Variants in TNRC6B observed in about 807,000 individuals in gnomAD.
TNRC6B encodes trinucleotide repeat-containing gene 6B protein.
A neutral mutation model predicts 203.6 loss-of-function variants in TNRC6B; 52 were observed. The observed-to-expected ratio is 0.26, with a 90% CI of 0.20 to 0.32. The LOEUF is 0.32. Ranked by LOEUF, TNRC6B falls within the 10% of genes least tolerant of loss-of-function variation. The pLI, the probability that TNRC6B is intolerant of heterozygous loss-of-function variation, is 1.00. For missense variants in TNRC6B, 1,923 were observed against 2,286.2 expected, an observed-to-expected ratio of 0.84 and a Z score of 3.24; for synonymous variants, 838 against 845.7, an observed-to-expected ratio of 0.99 and a Z score of 0.16.
At chr22:40,165,620 A>G (rs1158473974) in intron 4 of TNRC6B, among the ~76,000 whole-genome samples, 2 of 152,190 alleles carry the variant, frequency 1.3e-5, no homozygotes, top group Non-Finnish European at 2.9e-5. Flanking sequence ...TGGGTAATTT[A>G]TAAAGGAAAG....
chr22:40,143,916 A>G (rs1015874514), intron 3 of TNRC6B, among the ~76,000 whole-genome samples: 1 of 152,260 alleles, frequency 6.6e-6, no homozygotes, highest in Non-Finnish European at 1.5e-5. Flanking sequence ...AAAAATGTAC[A>G]AAAGACTAGG....
At chr22:40,186,489 C>CA (rs2069204891) in intron 1 of TNRC6B, among the ~76,000 whole-genome samples, 2 of 151,826 alleles carry the variant, frequency 1.3e-5, no homozygotes, top group Admixed American at 1.3e-4. Flanking sequence ...CCTGTAATCC[C>CA]AGCACTTTGG....
Position 40,235,437 on chromosome 22 carries a change from A to G in TNRC6B, c.6-10578A>G, listed in dbSNP as rs1192782290. On this transcript the variant is annotated intron_variant, in intron 1 of 22. Transcript: ENST00000454349. ...CAGGGGTAGGCTCCAGGACCACGTC[A>G]TCCCTACAACGCTCTCTGAGAAGAT... Among the ~76,000 whole-genome samples the G allele has an allele frequency of 2.0e-5, 3 of 152,158 alleles. No individual in the cohort carries two copies. In the East Asian group the frequency reaches 5.8e-4, roughly 29 times the overall value.
chr22:40,181,649 A>G (rs192101488), intron 1 of TNRC6B, among the ~76,000 whole-genome samples: 1 of 152,316 alleles, frequency 6.6e-6, no homozygotes, highest in Non-Finnish European at 1.5e-5. Context: ...AAAATTTCTT[A>G]AAGAAGCCAA....
chr22:40,273,606 C>T lies in TNRC6B; in HGVS notation c.3141+6C>T, dbSNP rs576337752. 1 of 1,565,270 alleles carries T rather than the reference C, an allele frequency of 6.4e-7. No homozygotes were observed. The highest frequency in any genetic ancestry group is 1.4e-5 in the African/African-American group (1 of 73,672). On this transcript the variant is annotated splice_donor_region_variant and intron_variant, in intron 7 of 22. Transcript: ENST00000454349. ...GAGGAAAGAAACAAATGAAGGTAGC[C>T]TGCTTAGAAATGTTCGCACTTGCTC...
Position 40,266,001 on chromosome 22 carries a change from C to G in TNRC6B, c.1771C>G (p.Arg591Gly). ...GSSDSHNSGR[R>G]SYRPTHPDCQ... Reference sequence around the variant, plus strand: ...TAGTGACAGTCATAACTCTGGCCGTCGGTCGTACAGGCCCACACATCCTGA... The same window carrying G: ...TAGTGACAGTCATAACTCTGGCCGTGGGTCGTACAGGCCCACACATCCTGA... The change falls in exon 5 of 23, where the codon CGG becomes GGG. Residue 591 changes from arginine (R) to glycine (G), a missense_variant. Arg to Gly is a moderately radical substitution (Grantham distance 125). Around this residue, in one of 8 missense-constraint regions of TNRC6B, gnomAD observed 614 missense variants for 587.7 expected, o/e 1.04. Coordinates refer to ENST00000454349, the MANE Select transcript of TNRC6B (RefSeq NM_001162501.2). 1.2e-6 allele frequency: 2 copies of G among 1,613,866 alleles called. No individual in the cohort carries two copies. Among genetic ancestry groups the G allele is most frequent in the Non-Finnish European group, 1.7e-6 (2 of 1,179,902 alleles).
intron 1 of TNRC6B, among the ~76,000 whole-genome samples, chr22:40,193,226 T>G (rs1166070474): frequency 6.6e-6 from 1 of 152,182 alleles, no homozygotes; most frequent in Admixed American, 6.5e-5. Flanking sequence ...TCCCTGGCAA[T>G]ACATTGAGCA....
intron 3 of TNRC6B, among the ~76,000 whole-genome samples, chr22:40,153,365 C>T (rs972219031): frequency 1.3e-5 from 2 of 151,974 alleles, no homozygotes; most frequent in African/African-American, 4.8e-5. Flanking sequence ...GAGATGTCAG[C>T]GATTCAGTGG....
chr22:40,334,385 CAAA>C lies in TNRC6B; in HGVS notation c.*11148_*11150del, dbSNP rs923320554. On this transcript the variant is annotated 3_prime_UTR_variant, in exon 23 of 23. Coordinates refer to ENST00000454349, the MANE Select transcript of TNRC6B (RefSeq NM_001162501.2). ...ACATTTTTAACAGGTTTTAAAAAAA[CAAA>C]AAACCCTTCTGGGAGGAAAAAAATA... 6.6e-6 allele frequency: 1 copy of C among 152,270 alleles called. No homozygotes were observed. Among genetic ancestry groups the C allele is most frequent in the Non-Finnish European group, 1.5e-5 (1 of 67,976 alleles). 9.4% of individuals were successfully genotyped at this position (152,270 alleles called of 1,614,324 possible). A position where few individuals can be genotyped will look rare whatever the true frequency, so the allele number is the denominator to read the frequency against.
chr22:40,125,947 A>T (rs73412614), intron 3 of TNRC6B: 2 of 1,324,258 alleles, frequency 1.5e-6, no homozygotes, highest in South Asian at 2.9e-5. Flanking sequence ...TTCATTTTAC[A>T]TGACTGTAAA....
At chr22:40,278,136 G>A (rs2070672787) in intron 9 of TNRC6B, 92 bp downstream of exon 9, 1 of 964,886 alleles carries the variant, frequency 1.0e-6, no homozygotes, top group Non-Finnish European at 1.6e-6. Context: ...GATAGGTGCA[G>A]TTCAGTAGAC....
chr22:40,160,550 T>A (rs867679905), intron 4 of TNRC6B, among the ~76,000 whole-genome samples: 2 of 152,018 alleles, frequency 1.3e-5, no homozygotes, highest in Non-Finnish European at 1.5e-5. Context: ...TATTAAACAT[T>A]CTTATTCTTA....
At chr22:40,182,611 G>T (rs2069148747) in intron 1 of TNRC6B, among the ~76,000 whole-genome samples, 1 of 152,242 alleles carries the variant, frequency 6.6e-6, no homozygotes, top group African/African-American at 2.4e-5. Flanking sequence ...GGGCATCTAA[G>T]AATTAATTTG....
At chr22:40,301,117 G>T in intron 14 of TNRC6B, 33 bp from the exon 15 acceptor site, 1 of 1,553,242 alleles carries the variant, frequency 6.4e-7, no homozygotes, top group African/African-American at 1.4e-5. Flanking sequence ...TCGGGGCCGT[G>T]CTTATCACGT....
chr22:40,123,043 C>CACTG (rs1302722971), intron 2 of TNRC6B, among the ~76,000 whole-genome samples: 1 of 152,180 alleles, frequency 6.6e-6, no homozygotes, highest in Non-Finnish European at 1.5e-5. Flanking sequence ...TGTTGTCAGC[C>CACTG]ACTGGGTGGT....
At chr22:40,297,905 A>G (rs551456785) in intron 12 of TNRC6B, among the ~76,000 whole-genome samples, 1 of 151,738 alleles carries the variant, frequency 6.6e-6, no homozygotes, top group South Asian at 2.1e-4. Context: ...GGTGGATCAC[A>G]AGGTCAGGAG....
intron 1 of TNRC6B, among the ~76,000 whole-genome samples, chr22:40,100,801 T>A (rs190372503): frequency 3.9e-5 from 6 of 152,228 alleles, no homozygotes; most frequent in Admixed American, 2.6e-4. Flanking sequence ...GGATGGAGAC[T>A]GGGGGAAGGA....
intron 4 of TNRC6B, among the ~76,000 whole-genome samples, chr22:40,170,849 G>A (rs1484642333): frequency 2.2e-5 from 2 of 92,262 alleles, no homozygotes; most frequent in African/African-American, 5.3e-5. Flanking sequence ...GTACATATAT[G>A]TGTGTATATA....
At chr22:40,207,419 ATAT>A (rs1335979312) in intron 1 of TNRC6B, among the ~76,000 whole-genome samples, 27 of 71,634 alleles carry the variant, frequency 3.8e-4, no homozygotes, top group African/African-American at 1.3e-3. Flanking sequence ...AAAAAAAAAA[ATAT>A]ATATATATAT....
Sources: allele counts gnomAD v4.1 joint callset (sites outside exome capture counted in the v4.1 genomes callset), GRCh38; gene constraint gnomAD v4.1.1; regional missense constraint gnomAD v4.1.1; transcripts MANE v1.5; gene names NCBI Gene and HGNC (gene_info 2026-07-23, HGNC 2026-07-21).